The following AGMO variants were observed in gnomAD, a reference collection of about 807,000 sequenced individuals.
The protein encoded by AGMO is glyceryl-ether monooxygenase.
In AGMO, 75 loss-of-function variants were observed where a neutral mutation model predicts 60.2. That is an observed-to-expected ratio of 1.25 (90% CI 1.03 to 1.51). The LOEUF (loss-of-function observed/expected upper bound fraction) is 1.51. AGMO is among the 40% of genes most tolerant of loss of function. The pLI is 0.00. For synonymous variants in AGMO, 261 were observed against 177.1 expected (o/e 1.47, Z -3.76); for missense variants, 763 against 525.5 (o/e 1.45, Z -4.42).
intron 12 of AGMO, among the ~76,000 whole-genome samples, chr7:15,304,092 T>C (rs1022936797): frequency 1.3e-5 from 2 of 152,210 alleles, no homozygotes; most frequent in African/African-American, 4.8e-5. Context: ...AATGCCTTTA[T>C]GCAATGCTTG....
At chr7:15,448,376 G>C (rs1781760174) in intron 3 of AGMO, among the ~76,000 whole-genome samples, 1 of 152,158 alleles carries the variant, frequency 6.6e-6, no homozygotes, top group Non-Finnish European at 1.5e-5. Context: ...CTATGGACCA[G>C]GAAGTGGGCC....
chr7:15,173,813 G>A, the AGMO span, among the ~76,000 whole-genome samples: 3 of 150,400 alleles, frequency 2.0e-5, no homozygotes, highest in Admixed American at 1.3e-4. Flanking sequence ...TTTTTTTTTG[G>A]TATTTCTTTC....
intron 12 of AGMO, among the ~76,000 whole-genome samples, chr7:15,238,233 AC>A (rs1181265594): frequency 1.1e-4 from 17 of 152,098 alleles, no homozygotes; most frequent in Admixed American, 1.3e-4. Flanking sequence ...TTTTCAATAC[AC>A]ACACGTGTGT....
intron 12 of AGMO, among the ~76,000 whole-genome samples, chr7:15,215,039 T>C (rs1781696142): frequency 6.6e-6 from 1 of 152,096 alleles, no homozygotes; most frequent in Non-Finnish European, 1.5e-5. Context: ...ATAAATTCTG[T>C]CACAACACAT....
At chr7:15,387,671 C>A in intron 8 of AGMO, 131 bp from the exon 9 acceptor site, 1 of 752,108 alleles carries the variant, frequency 1.3e-6, no homozygotes, top group Non-Finnish European at 2.1e-6. Flanking sequence ...ATTAGAGCAA[C>A]AGAAATGTGT....
chr7:15,426,484 C>T lies in AGMO; in HGVS notation c.513+4521G>A, dbSNP rs561434494. ...AAAATCTTCCCCAGGCGCGGTGGCT[C>T]ATGCTTATAATCCCACCACTTTGGG... On this transcript the variant is annotated intron_variant, in intron 4 of 12. Coordinates refer to ENST00000342526, the MANE Select transcript of AGMO (RefSeq NM_001004320.2). 8.5e-5 allele frequency among the ~76,000 whole-genome samples: 13 copies of T among 152,250 alleles called. No homozygotes were observed. In the South Asian group the frequency reaches 2.5e-3, roughly 29 times the overall value.
rs139972453 is a variant in AGMO at position 15,390,870 on chromosome 7, C to A, written c.712G>T (p.Gly238Cys). ...ATTTTATCCCAAATAATAAGAACAC[C>A]AGCATAATTTTTGTCTATGCAATAA... ...NRYCIDKNYA[G>C]VLIIWDKIFG... is the part of the protein sequence containing the mutation. Residue 238 changes from glycine (G) to cysteine (C), a missense_variant, in exon 7 of 13, where the codon GGT becomes TGT. By Grantham distance (159) the Gly-to-Cys change is radical (BLOSUM62 -3). Transcript: ENST00000342526. 1.0e-3 allele frequency: 1,667 copies of A among 1,604,110 alleles called. 3 individuals are homozygous for A. The highest frequency in any genetic ancestry group is 1.3e-3 in the Non-Finnish European group (1,576 of 1,174,634).
chr7:15,217,714 T>C (rs62448945), intron 12 of AGMO, among the ~76,000 whole-genome samples: 35,157 of 151,694 alleles, frequency 0.23, 4,714 homozygotes, highest in African/African-American at 0.36. Context: ...CTTGGAGATA[T>C]GGAAGTTAAA....
intron 10 of AGMO, among the ~76,000 whole-genome samples, chr7:15,368,419 G>A (rs757784063): frequency 6.6e-6 from 1 of 152,054 alleles, no homozygotes; most frequent in African/African-American, 2.4e-5. Context: ...ATATAAGGGA[G>A]AAATGATTTG....
intron 12 of AGMO, among the ~76,000 whole-genome samples, chr7:15,277,073 C>T (rs933886601): frequency 6.6e-6 from 1 of 151,722 alleles, no homozygotes; most frequent in Non-Finnish European, 1.5e-5. Context: ...TTTGGGAGGC[C>T]AAGGTAGGTG....
intron 12 of AGMO, among the ~76,000 whole-genome samples, chr7:15,347,828 T>A (rs931648294): frequency 6.6e-6 from 1 of 152,058 alleles, no homozygotes; most frequent in African/African-American, 2.4e-5. Flanking sequence ...TGCTGACTGA[T>A]AAGGAACTAA....
At chr7:15,214,240 C>T (rs2128494763) in intron 12 of AGMO, among the ~76,000 whole-genome samples, 1 of 152,032 alleles carries the variant, frequency 6.6e-6, no homozygotes, top group South Asian at 2.1e-4. Flanking sequence ...CTTTGGGACA[C>T]TACGAATTTT....
At chr7:15,559,168 C>A (rs139093477) in intron 2 of AGMO, among the ~76,000 whole-genome samples, 21 of 152,200 alleles carry the variant, frequency 1.4e-4, no homozygotes, top group Non-Finnish European at 1.3e-4. Context: ...TTATCATCAA[C>A]ATAATGTTAC....
chr7:15,435,933 G>C (rs1781386639), intron 3 of AGMO, among the ~76,000 whole-genome samples: 1 of 152,048 alleles, frequency 6.6e-6, no homozygotes, highest in African/African-American at 2.4e-5. Flanking sequence ...GTTAATTCAA[G>C]ACATAAAGAC....
At chr7:15,404,892 C>A (rs1316225531) in intron 5 of AGMO, among the ~76,000 whole-genome samples, 1 of 151,824 alleles carries the variant, frequency 6.6e-6, no homozygotes, top group South Asian at 2.1e-4. Context: ...ATTTTAGCTT[C>A]CATTCTCGAA....
the AGMO span, among the ~76,000 whole-genome samples, chr7:15,194,972 C>T: frequency 6.6e-6 from 1 of 152,128 alleles, no homozygotes; most frequent in Non-Finnish European, 1.5e-5. Context: ...TGTCTAATGT[C>T]TCTGAAAGGG....
intron 3 of AGMO, among the ~76,000 whole-genome samples, chr7:15,522,213 T>C (rs961265833): frequency 1.6e-4 from 25 of 152,098 alleles, no homozygotes; most frequent in African/African-American, 6.0e-4. Context: ...CACAAACAAA[T>C]GGAAAATTAT....
intron 12 of AGMO, among the ~76,000 whole-genome samples, chr7:15,362,414 C>A (rs1255333680): frequency 6.6e-6 from 1 of 152,094 alleles, no homozygotes; most frequent in African/African-American, 2.4e-5. Context: ...CAAGTTTAAT[C>A]ATTAATGGCT....
intron 3 of AGMO, among the ~76,000 whole-genome samples, chr7:15,482,786 G>A (rs185608132): frequency 1.3e-5 from 2 of 152,262 alleles, no homozygotes; most frequent in Non-Finnish European, 2.9e-5. Context: ...TATGGCATGG[G>A]CAATCTGAGT....
Sources: gnomAD v4.1 joint callset for allele counts (sites outside exome capture counted in the v4.1 genomes callset) on GRCh38, gnomAD v4.1.1 for gene constraint, MANE v1.5 for transcripts, NCBI Gene and HGNC (gene_info 2026-07-23, HGNC 2026-07-21) for gene names.